MED12L: variants seen among roughly 807,000 people sequenced by gnomAD.
MED12L encodes mediator complex subunit 12L, also known as mediator of RNA polymerase II transcription subunit 12-like protein.
A neutral mutation model predicts 281.3 loss-of-function variants in MED12L; 60 were observed. The ratio of observed to expected loss-of-function variants is 0.21; its 90% CI spans 0.17 to 0.26. MED12L has a LOEUF of 0.26. Ranked by LOEUF, MED12L falls within the 10% of genes least tolerant of loss-of-function variation. The pLI is 1.00. For missense variants in MED12L, 2,146 were observed against 2,680.9 expected, an observed-to-expected ratio of 0.80 and a Z score of 4.41; for synonymous variants, 974 against 987.2, an observed-to-expected ratio of 0.99 and a Z score of 0.25.
chr3:151,217,055 A>G (rs976412746), intron 16 of MED12L, among the ~76,000 whole-genome samples: 1 of 152,212 alleles, frequency 6.6e-6, no homozygotes, highest in African/African-American at 2.4e-5. Context: ...TTGAGTTTAA[A>G]ATATAAAAAA....
intron 4 of MED12L, among the ~76,000 whole-genome samples, chr3:151,127,002 A>G (rs2148798171): frequency 6.6e-6 from 1 of 152,292 alleles, no homozygotes; most frequent in African/African-American, 2.4e-5. Flanking sequence ...ATCCTGCTGC[A>G]TCGTGGCTAA....
chr3:151,168,479 CAT>C (rs1560114644), intron 11 of MED12L, among the ~76,000 whole-genome samples: 2 of 152,168 alleles, frequency 1.3e-5, no homozygotes, highest in Non-Finnish European at 2.9e-5. Context: ...CAGAGGGCGA[CAT>C]GTGCTCAGGA....
chr3:151,232,626 A>G (rs999584841), intron 16 of MED12L, among the ~76,000 whole-genome samples: 11 of 152,342 alleles, frequency 7.2e-5, no homozygotes, highest in South Asian at 2.1e-4. Context: ...GAATGAGATC[A>G]TGTCTTGTGG....
At chr3:151,340,159 A>G (rs184735511) in intron 16 of MED12L, among the ~76,000 whole-genome samples, 1 of 152,272 alleles carries the variant, frequency 6.6e-6, no homozygotes, top group Non-Finnish European at 1.5e-5. Flanking sequence ...ATGTTTTCCA[A>G]TACAAGATCA....
chr3:151,351,991 C>T (rs1010379494), intron 17 of MED12L, among the ~76,000 whole-genome samples: 1 of 152,240 alleles, frequency 6.6e-6, no homozygotes, highest in East Asian at 1.9e-4. Flanking sequence ...ATTCCTTATA[C>T]GAAGTGCTTG....
intron 16 of MED12L, among the ~76,000 whole-genome samples, chr3:151,335,779 T>C (rs1326908739): frequency 6.6e-6 from 1 of 152,222 alleles, no homozygotes; most frequent in African/African-American, 2.4e-5. Context: ...GGTCTCTGAA[T>C]AAAGATATCC....
chr3:151,198,534 A>G, intron 16 of MED12L: 1 of 1,614,042 alleles, frequency 6.2e-7, no homozygotes, highest in South Asian at 1.1e-5. Context: ...AGGTGATAGT[A>G]CAGGATAGGA....
intron 3 of MED12L, among the ~76,000 whole-genome samples, chr3:151,120,630 AT>A (rs1312754701): frequency 6.6e-6 from 1 of 152,250 alleles, no homozygotes; most frequent in African/African-American, 2.4e-5. Context: ...GAAGAAAAAA[AT>A]AATAGATGTG....
intron 5 of MED12L, among the ~76,000 whole-genome samples, chr3:151,145,993 C>T (rs751384047): frequency 1.1e-4 from 16 of 152,204 alleles, no homozygotes; most frequent in African/African-American, 2.2e-4. Context: ...CGTTAATTTA[C>T]GTATCTGATC....
At chr3:151,161,186 G>C (rs2148958886) in intron 8 of MED12L, among the ~76,000 whole-genome samples, 1 of 152,338 alleles carries the variant, frequency 6.6e-6, no homozygotes, top group African/African-American at 2.4e-5. Context: ...GGTAGGAAAG[G>C]AGGCTTGCAA....
rs1462053887 is a variant in MED12L, at chr3:151,369,426, G to C, written c.3551-10G>C. On this transcript the variant is annotated splice_polypyrimidine_tract_variant and intron_variant, in intron 25 of 44. Coordinates refer to ENST00000687756, the MANE Select transcript of MED12L (RefSeq NM_001393769.1). ...GTAATGAGACTATTAAAGATTTGTT[G>C]TTTTTGTAGGCAAACCTTTCCCTGG... The C allele has an allele frequency of 5.1e-6, 8 of 1,574,734 alleles. No individual in the cohort carries two copies. The South Asian group carries it at 9.2e-5, about 18-fold the overall frequency.
At chr3:151,299,192 G>A (rs1343822581) in intron 16 of MED12L, among the ~76,000 whole-genome samples, 1 of 152,106 alleles carries the variant, frequency 6.6e-6, no homozygotes, top group Non-Finnish European at 1.5e-5. Flanking sequence ...TCACTGGGAC[G>A]TGACACTTGG....
chr3:151,338,226 A>G (rs370983746), intron 16 of MED12L: 12 of 1,614,020 alleles, frequency 7.4e-6, no homozygotes, highest in Non-Finnish European at 1.0e-5. Flanking sequence ...TGTATAACAT[A>G]CAATAACAAT....
chr3:151,264,889 G>A (rs1739546039), intron 16 of MED12L, among the ~76,000 whole-genome samples: 1 of 152,128 alleles, frequency 6.6e-6, no homozygotes, highest in South Asian at 2.1e-4. Context: ...ACCTCCTGTG[G>A]CCACTGCCTT....
At chr3:151,351,345 C>T (rs1030920561) in intron 17 of MED12L, among the ~76,000 whole-genome samples, 1 of 152,168 alleles carries the variant, frequency 6.6e-6, no homozygotes, top group African/African-American at 2.4e-5. Context: ...AGGTGATAGT[C>T]CTCAGAACAC....
chr3:151,351,280 T>C (rs1560063416), intron 17 of MED12L, among the ~76,000 whole-genome samples: 1 of 152,234 alleles, frequency 6.6e-6, no homozygotes, highest in Admixed American at 6.5e-5. Context: ...AGAAACATGG[T>C]ACAAGAGGCA....
chr3:151,157,200 C>G (rs1429185311), intron 6 of MED12L, among the ~76,000 whole-genome samples: 2 of 151,342 alleles, frequency 1.3e-5, no homozygotes, highest in African/African-American at 4.9e-5. Flanking sequence ...TTTAATGGTT[C>G]TGGAAGAATT....
intron 16 of MED12L, among the ~76,000 whole-genome samples, chr3:151,194,082 C>G (rs1724332087): frequency 6.6e-6 from 1 of 150,378 alleles, no homozygotes; most frequent in African/African-American, 2.4e-5. Flanking sequence ...TCTTTTGCCT[C>G]AGCCTCCCGA....
At chr3:151,370,200 T>C (rs896463782) in intron 26 of MED12L, among the ~76,000 whole-genome samples, 26 of 152,338 alleles carry the variant, frequency 1.7e-4, no homozygotes, top group Admixed American at 1.6e-3. Context: ...TACAGGGTAA[T>C]ACATTAAAAC....
Sources: allele counts gnomAD v4.1 joint callset (sites outside exome capture counted in the v4.1 genomes callset), GRCh38; gene constraint gnomAD v4.1.1; transcripts MANE v1.5; gene names NCBI Gene and HGNC (gene_info 2026-07-23, HGNC 2026-07-21).